GIT2: variants seen among roughly 807,000 people sequenced by gnomAD.
The protein encoded by GIT2 is ARF GTPase-activating protein GIT2.
Under a neutral mutation model 100.3 loss-of-function variants are expected in GIT2, and 32 were observed. The ratio of observed to expected loss-of-function variants is 0.32; its 90% confidence interval spans 0.24 to 0.43. The LOEUF (loss-of-function observed/expected upper bound fraction) is 0.43. Ranked by LOEUF, GIT2 falls within the 20% of genes least tolerant of loss-of-function variation. The probability of loss-of-function intolerance (pLI) is 1.00; values close to 1 mark genes in which losing one functional copy is unlikely to be tolerated. For missense variants in GIT2, 737 were observed against 975.1 expected (o/e 0.76, Z 3.25); for synonymous variants, 353 against 364.1 (o/e 0.97, Z 0.35).
intron 4 of GIT2, 71 bp downstream of exon 4, chr12:109,988,892 T>C: frequency 1.2e-6 from 1 of 847,706 alleles, no homozygotes; most frequent in Non-Finnish European, 1.9e-6. Context: ...AGACTTTTTT[T>C]TCGTTTTTTC....
rs753731360 is a variant in GIT2 at position 109,953,231 on chromosome 12, T to C, written c.1103A>G (p.Asn368Ser). 15 of 1,613,540 alleles carry C rather than the reference T, an allele frequency of 9.3e-6. No individual in the cohort carries two copies. The South Asian group carries it at 9.9e-5, about 11-fold the overall frequency. ...QGSSLSGSKDNVELILKTINN... is the reference protein window; with the variant it reads ...QGSSLSGSKDSVELILKTINN... The stretch of plus-strand genomic sequence containing the variant: ...GATGGTTTTCAGTATGAGCTCCACA[T>C]TGTCTATCAATAAAAGCAAACAACT... Residue 368 changes from asparagine (N) to serine (S), a missense_variant, in exon 13 of 20, where the codon AAT (asparagine) becomes AGT (serine). Physicochemically the swap from Asn to Ser is conservative, Grantham distance 46. Coordinates refer to ENST00000355312, the MANE Select transcript of GIT2 (RefSeq NM_057169.5).
At chr12:109,941,719 C>T (rs1045480185) in intron 16 of GIT2, among the ~76,000 whole-genome samples, 2 of 151,984 alleles carry the variant, frequency 1.3e-5, no homozygotes, top group Admixed American at 1.3e-4. Context: ...TGGGGTTTCA[C>T]TATGTTGGTT....
At chr12:109,935,391 A>G (rs147955954) in intron 18 of GIT2, among the ~76,000 whole-genome samples, 1,888 of 152,144 alleles carry the variant, frequency 0.012, 50 homozygotes, top group African/African-American at 0.043. Context: ...AACCACACTG[A>G]AGTTTTTTTT....
At position 109,965,735 on chromosome 12, in the gene GIT2, A is replaced by G. The variant is rs891319590; in HGVS notation, c.765-158T>C. On this transcript the variant is annotated intron_variant, in intron 8 of 19. Coordinates refer to ENST00000355312, the MANE Select transcript of GIT2 (RefSeq NM_057169.5). ...CCCAGTAGAGTCAGTGAGGAGCTCTAAACAGAACAATCTGGTGAAAGTAAC... is the reference window on the plus strand; with the variant it reads ...CCCAGTAGAGTCAGTGAGGAGCTCTGAACAGAACAATCTGGTGAAAGTAAC... The G allele has an allele frequency of 1.6e-5, 12 of 757,768 alleles. No individual in the cohort carries two copies. In the African/African-American group the frequency reaches 1.7e-4, roughly 11 times the overall value. 46.9% of individuals were successfully genotyped at this position (757,768 alleles called of 1,614,324 possible). A position where few individuals can be genotyped will look rare whatever the true frequency, so the allele number is the denominator to read the frequency against.
chr12:109,965,136 G>A (rs1258172047), intron 9 of GIT2, among the ~76,000 whole-genome samples: 1 of 152,126 alleles, frequency 6.6e-6, no homozygotes, highest in Non-Finnish European at 1.5e-5. Context: ...TATGGGACTC[G>A]CCACCATTTC....
intron 5 of GIT2, 22 bp downstream of exon 5, chr12:109,983,586 G>A (rs768350417): frequency 6.3e-7 from 1 of 1,593,656 alleles, no homozygotes; most frequent in African/African-American, 1.3e-5. Flanking sequence ...TTCAATATCT[G>A]AAGCAATTCA....
chr12:109,996,334 G>T lies in GIT2; in HGVS notation c.-110C>A. ...CCCAGCTGCGGCGGCGCTGACGGCG[G>T]CGCCTCTCCCCTCAGCGCCTTGCAG... On this transcript the variant is annotated 5_prime_UTR_variant, in exon 1 of 20. Transcript: ENST00000355312. 1.4e-6 allele frequency: 1 copy of T among 726,736 alleles called. No homozygotes were observed. 45.0% of individuals were successfully genotyped at this position (726,736 alleles called of 1,614,324 possible).
chr12:109,940,790 G>T (rs1874420292), intron 16 of GIT2, among the ~76,000 whole-genome samples: 1 of 151,860 alleles, frequency 6.6e-6, no homozygotes, highest in Non-Finnish European at 1.5e-5. Flanking sequence ...GAGGTGAGAT[G>T]ATCTCTTGAG....
Position 109,948,939 on chromosome 12 carries a change from C to T in GIT2, c.1393-1435G>A. The T allele has an allele frequency of 1.2e-6, 1 of 810,748 alleles. No homozygotes were observed. The highest frequency in any genetic ancestry group is 2.0e-6 in the Non-Finnish European group (1 of 498,464). The allele number at this position is 810,748 out of a possible 1,614,324, so 50.2% of individuals were successfully genotyped here. On this transcript the variant is annotated intron_variant, in intron 14 of 19. Transcript: ENST00000355312. This position sits in a 1 kb window ranked among gnomAD's most constrained non-coding sequence, Gnocchi z 4.3. ...ACCCAACTTTGAAATATAATCAATA[C>T]ATCTTTGCTAAATAAACAAATTCCA...
chr12:109,986,690 G>A lies in GIT2; in HGVS notation c.405+2273C>T, dbSNP rs539683767. ...TGAGGCAGGAGAATGGCATGAACCC[G>A]GGAGGCGGAGCTTGAAGTGAGCCAA... On this transcript the variant is annotated intron_variant, in intron 4 of 19. Transcript: ENST00000355312. Among the ~76,000 whole-genome samples, 133 of 152,226 alleles carry A rather than the reference G, an allele frequency of 8.7e-4. 1 individual carries two copies. The highest frequency in any genetic ancestry group is 1.6e-3 in the Non-Finnish European group (111 of 68,010).
chr12:109,948,133 A>AG lies in GIT2; in HGVS notation c.1393-630_1393-629insC. 2.1e-6 allele frequency: 2 copies of AG among 961,918 alleles called. No homozygotes were observed. Among genetic ancestry groups the AG allele is most frequent in the Non-Finnish European group, 2.5e-6 (2 of 808,540 alleles). 59.6% of individuals were successfully genotyped at this position (961,918 alleles called of 1,614,324 possible). A position where few individuals can be genotyped will look rare whatever the true frequency, so the allele number is the denominator to read the frequency against. On this transcript the variant is annotated intron_variant, in intron 14 of 19. Coordinates refer to ENST00000355312, the MANE Select transcript of GIT2 (RefSeq NM_057169.5). This position sits in a 1 kb window ranked among gnomAD's most constrained non-coding sequence, Gnocchi z 4.3. ...CAATTCAGCACTTTGTAAAAAAAAA[A>AG]AGAAAAAAGAGAAAACCGGATCATG...
At chr12:109,944,724 C>T (rs936661545) in intron 16 of GIT2, among the ~76,000 whole-genome samples, 2 of 152,014 alleles carry the variant, frequency 1.3e-5, no homozygotes, top group Admixed American at 1.3e-4. Flanking sequence ...GCTTGCATAG[C>T]TCCAATGCCA....
At chr12:109,997,310 T>G (rs1463413616), upstream of GIT2, 3 of 146,726 alleles carry the variant, frequency 2.0e-5, no homozygotes, top group South Asian at 4.3e-4. Flanking sequence ...GCCTGGGAGG[T>G]GGACGTTGCA....
At chr12:109,986,490 C>T (rs549812689) in intron 4 of GIT2, among the ~76,000 whole-genome samples, 10 of 152,210 alleles carry the variant, frequency 6.6e-5, no homozygotes, top group South Asian at 2.1e-4. Flanking sequence ...AATGGCCGGG[C>T]GTGGTGGCTT....
chr12:109,956,541 G>GA (rs1198949784), intron 12 of GIT2, among the ~76,000 whole-genome samples: 86 of 152,242 alleles, frequency 5.6e-4, no homozygotes, highest in Non-Finnish European at 1.2e-4. Flanking sequence ...CAATGACCTT[G>GA]AAAATGCTGT....
At chr12:109,994,744 A>G (rs1889031964) in intron 1 of GIT2, among the ~76,000 whole-genome samples, 3 of 152,236 alleles carry the variant, frequency 2.0e-5, no homozygotes, top group Admixed American at 2.0e-4. Context: ...GCATTCCAAG[A>G]GGAAGTTAGA....
At chr12:109,935,866 G>A (rs1348562369) in intron 18 of GIT2, among the ~76,000 whole-genome samples, 3 of 152,192 alleles carry the variant, frequency 2.0e-5, no homozygotes, top group Admixed American at 6.5e-5. Context: ...GAGCACACCC[G>A]GATTAATGAG....
At position 109,959,864 on chromosome 12, in the gene GIT2, G is replaced by A. The variant is rs1880594845; in HGVS notation, c.1082C>T (p.Ser361Phe). The A allele has an allele frequency of 6.2e-7, 1 of 1,609,622 alleles. No individual in the cohort carries two copies. ...GCAGTTACCTTTTGAACCCGAGAGA[G>A]AACTGCCCTGCTGTCTCCTCTTGGC... is the stretch of plus-strand genomic sequence containing the variant. ...SDAKRRQQGS[S>F]LSGSKDNVEL... Residue 361 changes from serine to phenylalanine, a missense_variant, in exon 12 of 20, where the codon TCT becomes TTT. Around this residue, in one of 3 missense-constraint regions of GIT2, gnomAD observed 451 missense variants for 543.7 expected, o/e 0.83. Coordinates refer to ENST00000355312, the MANE Select transcript of GIT2 (RefSeq NM_057169.5).
Position 109,988,946 on chromosome 12 carries a change from T to C in GIT2, c.405+17A>G. The C allele has an allele frequency of 6.9e-7, 1 of 1,452,696 alleles. No homozygotes were observed. Among genetic ancestry groups the C allele is most frequent in the Non-Finnish European group, 9.7e-7 (1 of 1,033,176 alleles). The allele number at this position is 1,452,696 out of a possible 1,614,324, so 90.0% of individuals were successfully genotyped here. ...TCTCAGCCCGCTCTTTTAGGGATTT[T>C]AAAAGGTGTGACCCACCTTGCTAAG... On this transcript the variant is annotated intron_variant, in intron 4 of 19. Coordinates refer to ENST00000355312, the MANE Select transcript of GIT2 (RefSeq NM_057169.5).
Sources: allele counts gnomAD v4.1 joint callset (sites outside exome capture counted in the v4.1 genomes callset), GRCh38; gene constraint gnomAD v4.1.1; regional missense constraint gnomAD v4.1.1; non-coding constraint Gnocchi (gnomAD v3.1); transcripts MANE v1.5; gene names NCBI Gene and HGNC (gene_info 2026-07-23, HGNC 2026-07-21).